Variants in SLC22A3 observed in about 807,000 individuals in gnomAD.
SLC22A3 encodes the protein EMT organic cation transporter 3.
A neutral mutation model predicts 59.1 loss-of-function variants in SLC22A3; 51 were observed. That is an observed-to-expected ratio of 0.86 (90% CI 0.69 to 1.09). The LOEUF is 1.09. Among genes scored for constraint, SLC22A3 ranks in the 50% least tolerant of loss-of-function variants. The pLI is 0.00. For missense variants in SLC22A3, 711 were observed against 726.3 expected (o/e 0.98, Z 0.24); for synonymous variants, 325 against 292.0 (o/e 1.11, Z -1.15).
intron 5 of SLC22A3, among the ~76,000 whole-genome samples, chr6:160,416,999 T>G (rs1456796202): frequency 1.3e-5 from 2 of 152,236 alleles, no homozygotes; most frequent in Non-Finnish European, 2.9e-5. Flanking sequence ...TAAGTAAGCA[T>G]GAACTGCTAA....
intron 1 of SLC22A3, among the ~76,000 whole-genome samples, chr6:160,355,865 C>A (rs1176902735): frequency 6.6e-6 from 1 of 152,162 alleles, no homozygotes; most frequent in East Asian, 1.9e-4. Context: ...TCCAGACACA[C>A]CTTCCCCACT....
At chr6:160,432,041 T>C (rs1445726801) in intron 5 of SLC22A3, among the ~76,000 whole-genome samples, 1 of 152,214 alleles carries the variant, frequency 6.6e-6, no homozygotes, top group African/African-American at 2.4e-5. Context: ...CTAAGTTGTA[T>C]GTGAGCCCAC....
chr6:160,431,033 T>G (rs1287894623), intron 5 of SLC22A3, among the ~76,000 whole-genome samples: 1 of 152,198 alleles, frequency 6.6e-6, no homozygotes, highest in Admixed American at 6.5e-5. Context: ...GACTATATAT[T>G]TGTCAAAAGT....
rs1785414609 is a variant in SLC22A3 at position 160,371,979 on chromosome 6, T to A, written c.429+23131T>A. Reference sequence around the variant, plus strand: ...TTGTTGGCCGGATAAATGTCTTCTTTTGAGAAGTGTCTGTTCATATCCTTT... The same window carrying A: ...TTGTTGGCCGGATAAATGTCTTCTTATGAGAAGTGTCTGTTCATATCCTTT... On this transcript the variant is annotated intron_variant, in intron 1 of 10. Transcript: ENST00000275300. Among the ~76,000 whole-genome samples the A allele has an allele frequency of 1.3e-5, 2 of 152,222 alleles. 1 individual carries two copies. Among genetic ancestry groups the A allele is most frequent in the South Asian group, 4.1e-4 (2 of 4,830 alleles).
intron 5 of SLC22A3, among the ~76,000 whole-genome samples, chr6:160,419,364 A>C (rs1040448322): frequency 1.3e-5 from 2 of 152,172 alleles, no homozygotes; most frequent in African/African-American, 4.8e-5. Context: ...CCAAAAGAGG[A>C]ACCACACTAT....
intron 7 of SLC22A3, among the ~76,000 whole-genome samples, chr6:160,438,074 C>G (rs1788416030): frequency 1.3e-5 from 2 of 152,068 alleles, no homozygotes; most frequent in South Asian, 4.1e-4. Flanking sequence ...ATGCTGAGAG[C>G]AGGAGTTACA....
intron 1 of SLC22A3, among the ~76,000 whole-genome samples, chr6:160,393,777 GA>G (rs1327748945): frequency 6.6e-6 from 1 of 152,162 alleles, no homozygotes; most frequent in Admixed American, 6.5e-5. Flanking sequence ...ATTTAGAAAT[GA>G]CAACTTTAGC....
intron 1 of SLC22A3, among the ~76,000 whole-genome samples, chr6:160,384,271 G>C (rs1785909492): frequency 1.3e-5 from 2 of 152,268 alleles, no homozygotes; most frequent in South Asian, 4.2e-4. Context: ...GGTATCCAAG[G>C]AGGGTCCTAG....
intron 7 of SLC22A3, among the ~76,000 whole-genome samples, chr6:160,442,305 C>T (rs756485124): frequency 1.8e-4 from 28 of 152,196 alleles, no homozygotes; most frequent in Non-Finnish European, 2.9e-4. Flanking sequence ...GAGGAACTCC[C>T]CAGGTGTGCT....
chr6:160,417,150 G>T (rs1562492638), intron 5 of SLC22A3, among the ~76,000 whole-genome samples: 2 of 152,218 alleles, frequency 1.3e-5, no homozygotes, highest in Non-Finnish European at 2.9e-5. Flanking sequence ...CCAGTGTCAG[G>T]CTTGGCCACC....
At chr6:160,356,219 A>G (rs1784835554) in intron 1 of SLC22A3, among the ~76,000 whole-genome samples, 1 of 152,122 alleles carries the variant, frequency 6.6e-6, no homozygotes, top group Non-Finnish European at 1.5e-5. Context: ...TCTGCCTTGC[A>G]TCCATGAGGT....
chr6:160,390,660 C>A lies in SLC22A3; in HGVS notation c.430-7319C>A, dbSNP rs1221751698. Among the ~76,000 whole-genome samples the A allele has an allele frequency of 3.3e-5, 5 of 152,224 alleles. No individual in the cohort carries two copies. In the South Asian group the frequency reaches 6.2e-4, roughly 19 times the overall value. On this transcript the variant is annotated intron_variant, in intron 1 of 10. Coordinates refer to ENST00000275300, the MANE Select transcript of SLC22A3 (RefSeq NM_021977.4). Reference sequence around the variant, plus strand: ...AGATGCAGCTGTGTGGACCAGGACTCAGCACAAAGCTCATCCCTGAATTCC... The same window carrying A: ...AGATGCAGCTGTGTGGACCAGGACTAAGCACAAAGCTCATCCCTGAATTCC...
rs950262300 is a variant in SLC22A3, at chr6:160,348,733, C to G, written c.314C>G (p.Thr105Ser). The G allele has an allele frequency of 1.3e-6, 2 of 1,531,312 alleles. No individual in the cohort carries two copies. Among genetic ancestry groups the G allele is most frequent in the Non-Finnish European group, 1.7e-6 (2 of 1,145,216 alleles). The allele number at this position is 1,531,312 out of a possible 1,614,324, so 94.9% of individuals were successfully genotyped here. ...GCGGCCAACGACAGCGCCTCCGCCA[C>G]TAGCGCTCTCAGCTGCGCGGACCCA... ...LEAANDSASA[T>S]SALSCADPLA... is the part of the protein sequence containing the mutation. Residue 105 changes from threonine (T) to serine (S), a missense_variant, in exon 1 of 11, where the codon ACT becomes AGT. By Grantham distance (58) the Thr-to-Ser change is moderately conservative. Transcript: ENST00000275300.
Position 160,348,539 on chromosome 6 carries a change from C to G in SLC22A3, c.120C>G (p.Val40=), listed in dbSNP as rs1784547759. 1 of 1,561,064 alleles carries G rather than the reference C, an allele frequency of 6.4e-7. No individual in the cohort carries two copies. Among genetic ancestry groups the G allele is most frequent in the African/African-American group, 1.4e-5 (1 of 71,032 alleles). The change falls in exon 1 of 11, where the codon GTC becomes GTG. Residue 40 remains valine, a synonymous_variant. Transcript: ENST00000275300. ...TCGCCTTCCTCTTCGTCGGCGTGGT[C>G]TTCCTGGGCACGCAGCCCGACCACT... is the stretch of plus-strand genomic sequence containing the variant. The part of the protein sequence containing the change: ...VTFAFLFVGV[V]FLGTQPDHYW...
intron 4 of SLC22A3, among the ~76,000 whole-genome samples, chr6:160,409,986 A>G (rs1225156605): frequency 6.6e-6 from 1 of 152,226 alleles, no homozygotes; most frequent in Non-Finnish European, 1.5e-5. Context: ...AAAAAATTAC[A>G]TTATCAAAAA....
At chr6:160,380,815 G>C (rs528567126) in intron 1 of SLC22A3, among the ~76,000 whole-genome samples, 1 of 152,298 alleles carries the variant, frequency 6.6e-6, no homozygotes, top group Non-Finnish European at 1.5e-5. Context: ...AGACTGAGAA[G>C]TGCCAAGTTC....
intron 10 of SLC22A3, among the ~76,000 whole-genome samples, chr6:160,450,712 G>A (rs1329162324): frequency 7.2e-5 from 11 of 152,086 alleles, no homozygotes; most frequent in Admixed American, 1.3e-4. Context: ...ATTAATTTGG[G>A]GAACTGATAA....
At chr6:160,422,880 G>A (rs1050646794) in intron 5 of SLC22A3, among the ~76,000 whole-genome samples, 8 of 151,454 alleles carry the variant, frequency 5.3e-5, no homozygotes, top group Non-Finnish European at 1.0e-4. Context: ...TGTGCACAAC[G>A]TGCAGGTTTG....
In SLC22A3 at chr6:160,421,158, C is replaced by T. The variant is rs78181062; in HGVS notation, c.975+10312C>T. On this transcript the variant is annotated intron_variant, in intron 5 of 10. Transcript: ENST00000275300. ...TGGCTGGACCTGCCCTTCCTAGAGACGGCTGCTGCCAACCCATTTCCCAGA... is the reference window on the plus strand; with the variant it reads ...TGGCTGGACCTGCCCTTCCTAGAGATGGCTGCTGCCAACCCATTTCCCAGA... Among the ~76,000 whole-genome samples, 69 of 152,334 alleles carry T rather than the reference C, an allele frequency of 4.5e-4. No homozygotes were observed. The East Asian group carries it at 0.012, about 26-fold the overall frequency.
Sources: gnomAD v4.1 joint callset for allele counts (sites outside exome capture counted in the v4.1 genomes callset) on GRCh38, gnomAD v4.1.1 for gene constraint, MANE v1.5 for transcripts, NCBI Gene and HGNC (gene_info 2026-07-23, HGNC 2026-07-21) for gene names.